PIGH: variants seen among roughly 807,000 people sequenced by gnomAD.
PIGH encodes the protein phosphatidylinositol glycan anchor biosynthesis class H.
In PIGH, 11 loss-of-function variants were observed where a neutral mutation model predicts 20.1. That is an observed-to-expected ratio of 0.55 (90% CI 0.34 to 0.91). PIGH has a LOEUF of 0.91. Ranked by LOEUF, PIGH falls within the 40% of genes least tolerant of loss-of-function variation. The probability of loss-of-function intolerance (pLI) is 0.02; values close to 1 mark genes in which losing one functional copy is unlikely to be tolerated. For missense variants in PIGH, 189 were observed against 233.6 expected (o/e 0.81, Z 1.24); for synonymous variants, 72 against 93.1 (o/e 0.77, Z 1.31).
chr14:67,592,183 C>A, intron 3 of PIGH: 2 of 225,022 alleles, frequency 8.9e-6, no homozygotes, highest in South Asian at 4.4e-5. Flanking sequence ...GCTTGTAATC[C>A]CAACACTTTG....
chr14:67,591,994 A>G (rs1290017638), intron 3 of PIGH: 1 of 152,268 alleles, frequency 6.6e-6, no homozygotes, highest in African/African-American at 2.4e-5. Flanking sequence ...ATATTAAATT[A>G]TTTACAAAGC....
Position 67,592,771 on chromosome 14 carries a change from CT to C in PIGH, c.391-54del, listed in dbSNP as rs953678649. On this transcript the variant is annotated intron_variant, in intron 2 of 3. Coordinates refer to ENST00000216452, the MANE Select transcript of PIGH (RefSeq NM_004569.5). Reference sequence around the variant, plus strand: ...GTCTAAGTGAAACTCATTTTGCATTCTTTTTTTCTTTTTCCTTTATTTATTT... The same window carrying C: ...GTCTAAGTGAAACTCATTTTGCATTCTTTTTTCTTTTTCCTTTATTTATTT... 64 of 1,065,140 alleles carry C rather than the reference CT, an allele frequency of 6.0e-5. No homozygotes were observed. The African/African-American group carries it at 8.0e-4, about 13-fold the overall frequency. 66.0% of individuals were successfully genotyped at this position (1,065,140 alleles called of 1,614,324 possible). A position where few individuals can be genotyped will look rare whatever the true frequency, so the allele number is the denominator to read the frequency against.
At chr14:67,590,402 G>A (rs1026216847) in intron 3 of PIGH, among the ~76,000 whole-genome samples, 5 of 151,866 alleles carry the variant, frequency 3.3e-5, no homozygotes, top group South Asian at 2.1e-4. Context: ...ACAGGTGCTC[G>A]CCACCACGCC....
chr14:67,592,063 G>A (rs1265703553), intron 3 of PIGH: 1 of 168,652 alleles, frequency 5.9e-6, no homozygotes, highest in Non-Finnish European at 1.3e-5. Flanking sequence ...AAAGTGTACA[G>A]TAGTAGACTG....
chr14:67,593,534 C>A, intron 2 of PIGH: 6 of 537,252 alleles, frequency 1.1e-5, no homozygotes, highest in African/African-American at 1.9e-5. Flanking sequence ...GGAAAAAATG[C>A]CAGTGATAAT....
Position 67,589,819 on chromosome 14 carries a change from T to C in PIGH, c.*261A>G. 8.6e-7 allele frequency: 1 copy of C among 1,167,776 alleles called. No individual in the cohort carries two copies. The highest frequency in any genetic ancestry group is 4.3e-5 in the South Asian group (1 of 23,434). 72.3% of individuals were successfully genotyped at this position (1,167,776 alleles called of 1,614,324 possible). A position where few individuals can be genotyped will look rare whatever the true frequency, so the allele number is the denominator to read the frequency against. ...CGAAAGTGTTCTTTGCTGACATTAC[T>C]TTTGACATACTGTGTCAAAATTCTT... is the stretch of plus-strand genomic sequence containing the variant. On this transcript the variant is annotated 3_prime_UTR_variant, in exon 4 of 4. Transcript: ENST00000216452.
intron 2 of PIGH, 196 bp from the exon 3 acceptor site, chr14:67,592,914 T>C (rs1183192535): frequency 4.5e-6 from 2 of 441,806 alleles, no homozygotes; most frequent in Admixed American, 7.6e-5. Context: ...GCCTCCCAAG[T>C]AGCTGGGATT....
chr14:67,599,642 A>G lies in PIGH; in HGVS notation c.180+382T>C, dbSNP rs113035957. Among the ~76,000 whole-genome samples, 130 of 152,294 alleles carry G rather than the reference A, an allele frequency of 8.5e-4. 1 individual carries two copies. In the Middle Eastern group the frequency reaches 0.01, roughly 12 times the overall value. On this transcript the variant is annotated intron_variant, in intron 1 of 3. Coordinates refer to ENST00000216452, the MANE Select transcript of PIGH (RefSeq NM_004569.5). ...TTAGCAGTACTACTTTGAGGAGCAG[A>G]AGGGATGGACGAGGAAGACCCACTT... is the stretch of plus-strand genomic sequence containing the variant.
chr14:67,597,731 T>A (rs2036499877), intron 1 of PIGH, among the ~76,000 whole-genome samples: 1 of 150,738 alleles, frequency 6.6e-6, no homozygotes, highest in Non-Finnish European at 1.5e-5. Context: ...GATACTCTGA[T>A]ACTGACTATA....
In PIGH at chr14:67,600,148, C is replaced by T; in HGVS notation, c.56G>A (p.Arg19His). 1.3e-6 allele frequency: 2 copies of T among 1,592,700 alleles called. No homozygotes were observed. Among genetic ancestry groups the T allele is most frequent in the South Asian group, 1.1e-5 (1 of 88,336 alleles). ...CCGGCAGGACGGGGAGTAGTAGCGG[C>T]GCTGCAGCGCCAGGCGGCCGCCGCA... Reference protein sequence around the residue: ...DICGGRLALQRRYYSPSCREF... With the variant: ...DICGGRLALQHRYYSPSCREF... Residue 19 changes from arginine (R) to histidine (H), a missense_variant, in exon 1 of 4, where the codon CGC becomes CAC. Physicochemically the swap from Arg to His is conservative, Grantham distance 29. Transcript: ENST00000216452.
rs118108596 is a variant in PIGH, at chr14:67,600,244, T to C, written c.-41A>G. 0.011 allele frequency: 15,860 copies of C among 1,490,770 alleles called. 703 individuals carry two copies. The East Asian group carries it at 0.12, about 11-fold the overall frequency. The allele number at this position is 1,490,770 out of a possible 1,614,324, so 92.3% of individuals were successfully genotyped here. ...CCGCCCGCACCGCGCGGCGCTGCAC[T>C]GCGCTCGCCGGCCCTGGCCGTCTCG... On this transcript the variant is annotated 5_prime_UTR_variant, in exon 1 of 4. Coordinates refer to ENST00000216452, the MANE Select transcript of PIGH (RefSeq NM_004569.5).
chr14:67,597,950 CAAG>C (rs898789734), intron 1 of PIGH, among the ~76,000 whole-genome samples: 9 of 152,042 alleles, frequency 5.9e-5, no homozygotes, highest in Non-Finnish European at 1.0e-4. Context: ...AACTCAAAAA[CAAG>C]AAGGAATGAA....
intron 1 of PIGH, among the ~76,000 whole-genome samples, chr14:67,595,006 AG>A (rs1442974133): frequency 6.6e-6 from 1 of 151,894 alleles, no homozygotes; most frequent in Non-Finnish European, 1.5e-5. Flanking sequence ...GCGTAGTGGC[AG>A]GCACCTGTAG....
At chr14:67,591,676 T>C (rs1487570653) in intron 3 of PIGH, 1 of 152,142 alleles carries the variant, frequency 6.6e-6, no homozygotes, top group Non-Finnish European at 1.5e-5. Context: ...GGACCACAGA[T>C]GTGCACCACC....
intron 3 of PIGH, 142 bp from the exon 4 acceptor site, chr14:67,590,314 G>A (rs8010574): frequency 0.079 from 43,601 of 550,678 alleles, 2,114 homozygotes; most frequent in Middle Eastern, 0.1. Flanking sequence ...GTGCAGTGGC[G>A]CAATCTCGGC....
In PIGH at chr14:67,590,687, T is replaced by C. The variant is rs77582243; in HGVS notation, c.475-515A>G. On this transcript the variant is annotated intron_variant, in intron 3 of 3. Coordinates refer to ENST00000216452, the MANE Select transcript of PIGH (RefSeq NM_004569.5). ...ATGCAACTTCAATCTCTCACCCACA[T>C]CAAGGGGTATAAATGACACAGCAGT... Among the ~76,000 whole-genome samples, 1,415 of 152,226 alleles carry C rather than the reference T, an allele frequency of 9.3e-3. 79 individuals are homozygous for C. The East Asian group carries it at 0.12, about 12-fold the overall frequency.
At position 67,600,236 on chromosome 14, in the gene PIGH, C is replaced by A; in HGVS notation, c.-33G>T. ...CCACTCGGCCGCCCGCACCGCGCGG[C>A]GCTGCACTGCGCTCGCCGGCCCTGG... On this transcript the variant is annotated 5_prime_UTR_variant, in exon 1 of 4. Transcript: ENST00000216452. The A allele has an allele frequency of 1.3e-6, 2 of 1,507,354 alleles. No individual in the cohort carries two copies. The highest frequency in any genetic ancestry group is 1.8e-6 in the Non-Finnish European group (2 of 1,128,706). 93.4% of individuals were successfully genotyped at this position (1,507,354 alleles called of 1,614,324 possible). A position where few individuals can be genotyped will look rare whatever the true frequency, so the allele number is the denominator to read the frequency against.
chr14:67,592,678 G>A lies in PIGH; in HGVS notation c.431C>T (p.Pro144Leu), dbSNP rs2036396378. 1 of 1,609,192 alleles carries A rather than the reference G, an allele frequency of 6.2e-7. No individual in the cohort carries two copies. Among genetic ancestry groups the A allele is most frequent in the East Asian group, 2.2e-5 (1 of 44,856 alleles). The change falls in exon 3 of 4, where the codon CCA (proline) becomes CTA (leucine). Residue 144 changes from proline (P) to leucine (L), a missense_variant. Transcript: ENST00000216452. ...TTGGGATATCCCATGTGGTTCCACTGGATCTTTCAATAAGATGCAGAGGTA... is the reference window on the plus strand; with the variant it reads ...TTGGGATATCCCATGTGGTTCCACTAGATCTTTCAATAAGATGCAGAGGTA... ...IYYLCILLKD[P>L]VEPHGISQVV...
intron 1 of PIGH, among the ~76,000 whole-genome samples, chr14:67,599,450 T>C (rs2036533202): frequency 6.6e-6 from 1 of 152,076 alleles, no homozygotes; most frequent in African/African-American, 2.4e-5. Flanking sequence ...TTCATAAACC[T>C]TTAGAAAGTA....
Sources: gnomAD v4.1 joint callset for allele counts (sites outside exome capture counted in the v4.1 genomes callset) on GRCh38, gnomAD v4.1.1 for gene constraint, MANE v1.5 for transcripts, NCBI Gene and HGNC (gene_info 2026-07-23, HGNC 2026-07-21) for gene names.